Variants in CTNNA3 observed in about 807,000 individuals in gnomAD.
CTNNA3 encodes the protein catenin alpha 3, also known as catenin alpha-3.
Under a neutral mutation model 95.7 loss-of-function variants are expected in CTNNA3, and 76 were observed. The ratio of observed to expected loss-of-function variants is 0.79; its 90% CI spans 0.66 to 0.96. The LOEUF (loss-of-function observed/expected upper bound fraction) is 0.96, where lower values mean the gene tolerates loss of function less well. Among genes scored for constraint, CTNNA3 ranks in the 40% least tolerant of loss-of-function variants. The pLI is 0.00. For synonymous variants in CTNNA3, 431 were observed against 374.4 expected, an observed-to-expected ratio of 1.15 and a Z score of -1.74; for missense variants, 1,191 against 1,089.8, an observed-to-expected ratio of 1.09 and a Z score of -1.31.
chr10:66,667,388 A>G (rs1846494402), intron 9 of CTNNA3, among the ~76,000 whole-genome samples: 1 of 152,130 alleles, frequency 6.6e-6, no homozygotes, highest in Non-Finnish European at 1.5e-5. Context: ...TAATTTGCAG[A>G]AACAACGTTA....
intron 10 of CTNNA3, among the ~76,000 whole-genome samples, chr10:66,569,766 C>A (rs116628171): frequency 1.3e-5 from 2 of 152,058 alleles, no homozygotes; most frequent in Non-Finnish European, 2.9e-5. Flanking sequence ...AAATCACCCA[C>A]GCTTGATGTG....
chr10:66,698,898 A>G (rs943503630), intron 9 of CTNNA3, among the ~76,000 whole-genome samples: 11 of 152,356 alleles, frequency 7.2e-5, no homozygotes, highest in African/African-American at 2.6e-4. Flanking sequence ...AGATATGAGG[A>G]CACTAACAAA....
intron 7 of CTNNA3, among the ~76,000 whole-genome samples, chr10:66,855,074 T>C (rs1043739781): frequency 6.6e-5 from 10 of 151,924 alleles, no homozygotes; most frequent in African/African-American, 2.2e-4. Context: ...CAATATTATA[T>C]TGAATAACAG....
chr10:66,952,596 T>C (rs1187873513), intron 7 of CTNNA3, among the ~76,000 whole-genome samples: 1 of 152,118 alleles, frequency 6.6e-6, no homozygotes. Context: ...ATGTACTACT[T>C]AAGCAATAAT....
chr10:66,609,352 C>T (rs893976301), intron 10 of CTNNA3, among the ~76,000 whole-genome samples: 1 of 147,792 alleles, frequency 6.8e-6, no homozygotes, highest in Non-Finnish European at 1.5e-5. Context: ...TGTCAGCCAT[C>T]GCACCCAGCC....
intron 10 of CTNNA3, among the ~76,000 whole-genome samples, chr10:66,570,906 G>C (rs74722320): frequency 0.023 from 3,522 of 152,140 alleles, 88 homozygotes; most frequent in East Asian, 0.055. Flanking sequence ...GATGAAAACA[G>C]TTTTGAGCAA....
intron 17 of CTNNA3, among the ~76,000 whole-genome samples, chr10:65,950,196 T>TA (rs2133205557): frequency 6.6e-6 from 1 of 152,256 alleles, no homozygotes; most frequent in South Asian, 2.1e-4. Flanking sequence ...TCACAGTTTT[T>TA]ATCCTGTGAC....
chr10:67,591,376 A>G (rs1842783316), intron 3 of CTNNA3, among the ~76,000 whole-genome samples: 1 of 152,194 alleles, frequency 6.6e-6, no homozygotes, highest in Non-Finnish European at 1.5e-5. Context: ...AAGGAAAAAT[A>G]GACAATAGGA....
rs373752385 is a variant in CTNNA3, at chr10:66,559,297, G to A, written c.1375-38524C>T. Among the ~76,000 whole-genome samples the A allele has an allele frequency of 3.5e-4, 53 of 152,106 alleles. 1 individual carries two copies. The South Asian group carries it at 0.011, about 31-fold the overall frequency. ...CCCTTTCTTAAAAATAAGGACAAAA[G>A]GACTTGACATGGCTACAAGGCCAGG... On this transcript the variant is annotated intron_variant, in intron 10 of 17. Coordinates refer to ENST00000433211, the MANE Select transcript of CTNNA3 (RefSeq NM_013266.4).
At chr10:66,685,325 G>GTATA (rs1564617459) in intron 9 of CTNNA3, among the ~76,000 whole-genome samples, 621 of 29,932 alleles carry the variant, frequency 0.021, 9 homozygotes, top group Non-Finnish European at 0.026. Flanking sequence ...GTGTATGTGT[G>GTATA]TATATATATA....
chr10:67,155,993 T>C (rs1861295891), intron 7 of CTNNA3, among the ~76,000 whole-genome samples: 1 of 152,106 alleles, frequency 6.6e-6, no homozygotes, highest in Admixed American at 6.6e-5. Flanking sequence ...ATGATCAGAT[T>C]TTTTATTTGT....
chr10:66,862,726 G>A, intron 7 of CTNNA3, among the ~76,000 whole-genome samples: 1 of 152,174 alleles, frequency 6.6e-6, no homozygotes, highest in Non-Finnish European at 1.5e-5. Context: ...AATTTTACGT[G>A]TTAATGTGAC....
At chr10:66,613,927 T>C (rs994282650) in intron 10 of CTNNA3, among the ~76,000 whole-genome samples, 2 of 152,060 alleles carry the variant, frequency 1.3e-5, no homozygotes, top group African/African-American at 4.8e-5. Context: ...AAAGAGAATA[T>C]GTTTGCTTCC....
At position 66,521,251 on chromosome 10, in the gene CTNNA3, G is replaced by C. The variant is rs1364576058; in HGVS notation, c.1375-478C>G. 2.0e-5 allele frequency among the ~76,000 whole-genome samples: 3 copies of C among 151,990 alleles called. No individual in the cohort carries two copies. The East Asian group carries it at 5.8e-4, about 29-fold the overall frequency. ...TTCCTACTCCCTCTATTATTGCAGAGTGAGTTTTTTAAATATAAACTTTGT... is the reference window on the plus strand; with the variant it reads ...TTCCTACTCCCTCTATTATTGCAGACTGAGTTTTTTAAATATAAACTTTGT... On this transcript the variant is annotated intron_variant, in intron 10 of 17. Transcript: ENST00000433211.
chr10:66,288,502 T>G (rs1217329978), intron 12 of CTNNA3, among the ~76,000 whole-genome samples: 1 of 152,144 alleles, frequency 6.6e-6, no homozygotes, highest in Non-Finnish European at 1.5e-5. Context: ...CTTCACTATT[T>G]TCTAAAGTTG....
At chr10:67,430,004 C>T (rs1846056850) in intron 5 of CTNNA3, among the ~76,000 whole-genome samples, 2 of 151,966 alleles carry the variant, frequency 1.3e-5, no homozygotes, top group Admixed American at 1.3e-4. Context: ...AAAAGACTTC[C>T]ATTGATAGTT....
chr10:67,010,557 G>T (rs1852255683), intron 7 of CTNNA3, among the ~76,000 whole-genome samples: 1 of 152,156 alleles, frequency 6.6e-6, no homozygotes, highest in East Asian at 1.9e-4. Flanking sequence ...AGAGTGGGGG[G>T]AGCACTAGCT....
At chr10:67,461,591 AG>A (rs1179494750) in intron 5 of CTNNA3, among the ~76,000 whole-genome samples, 1 of 152,218 alleles carries the variant, frequency 6.6e-6, no homozygotes, top group Non-Finnish European at 1.5e-5. Flanking sequence ...GGAAGCAAAA[AG>A]GTTGTATAAA....
intron 12 of CTNNA3, among the ~76,000 whole-genome samples, chr10:66,293,811 G>A (rs566231227): frequency 5.9e-5 from 9 of 151,738 alleles, no homozygotes; most frequent in East Asian, 1.9e-4. Context: ...GATTACAGGC[G>A]CCTGCCACCA....
Sources: gnomAD v4.1 joint callset for allele counts (sites outside exome capture counted in the v4.1 genomes callset) on GRCh38, gnomAD v4.1.1 for gene constraint, MANE v1.5 for transcripts, NCBI Gene and HGNC (gene_info 2026-07-23, HGNC 2026-07-21) for gene names.